PDE6D: variants seen among roughly 807,000 people sequenced by gnomAD.
PDE6D encodes the protein retinal rod rhodopsin-sensitive cGMP 3',5'-cyclic phosphodiesterase subunit delta.
Under a neutral mutation model 21.9 loss-of-function variants are expected in PDE6D, and 10 were observed. The ratio of observed to expected loss-of-function variants is 0.46; its 90% CI spans 0.28 to 0.78. The LOEUF (loss-of-function observed/expected upper bound fraction) is 0.78, where lower values mean the gene tolerates loss of function less well. PDE6D is among the 30% of genes least tolerant of loss of function. PDE6D has a pLI of 0.12. For missense variants in PDE6D, 139 were observed against 184.8 expected (o/e 0.75, Z 1.44); for synonymous variants, 59 against 63.5 (o/e 0.93, Z 0.34).
intron 2 of PDE6D, 103 bp from the exon 3 acceptor site, chr2:231,738,241 T>C: frequency 9.4e-7 from 1 of 1,067,360 alleles, no homozygotes; most frequent in Non-Finnish European, 1.4e-6. Flanking sequence ...TAGAGAACAC[T>C]TTCTTACAGC....
At position 231,748,582 on chromosome 2, in the gene PDE6D, A is replaced by C. The variant is rs556113803; in HGVS notation, c.51-9394T>G. Among the ~76,000 whole-genome samples the C allele has an allele frequency of 2.0e-5, 3 of 152,380 alleles. No individual in the cohort carries two copies. In the East Asian group the frequency reaches 5.8e-4, roughly 29 times the overall value. ...ATTCAAGCCAGCTGCAGAAATTTGC[A>C]TAAGTAGCAAGGAGCCTAATGTTAA... On this transcript the variant is annotated intron_variant, in intron 1 of 4. Coordinates refer to ENST00000287600, the MANE Select transcript of PDE6D (RefSeq NM_002601.4).
At chr2:231,735,178 C>T (rs1160711156) in intron 4 of PDE6D, among the ~76,000 whole-genome samples, 1 of 134,412 alleles carries the variant, frequency 7.4e-6, no homozygotes, top group Non-Finnish European at 1.6e-5. Flanking sequence ...GGAGGTGGAG[C>T]TTGCAGTGAG....
At chr2:231,734,986 T>C (rs1367621570) in intron 4 of PDE6D, among the ~76,000 whole-genome samples, 2 of 151,402 alleles carry the variant, frequency 1.3e-5, no homozygotes, top group African/African-American at 4.9e-5. Context: ...CTCACGTCTG[T>C]AATCCCAGCA....
chr2:231,740,910 G>GGGC (rs2048743233), intron 1 of PDE6D, among the ~76,000 whole-genome samples: 1 of 151,280 alleles, frequency 6.6e-6, no homozygotes, highest in African/African-American at 2.4e-5. Context: ...AGGCTGAGGC[G>GGGC]GGCGGATCAC....
intron 1 of PDE6D, among the ~76,000 whole-genome samples, chr2:231,778,413 G>A (rs1254207657): frequency 6.6e-6 from 1 of 152,016 alleles, no homozygotes; most frequent in Non-Finnish European, 1.5e-5. Context: ...CTACAAATAA[G>A]AAAAATAAAC....
chr2:231,771,276 G>GA (rs1216609330), intron 1 of PDE6D, among the ~76,000 whole-genome samples: 1 of 151,968 alleles, frequency 6.6e-6, no homozygotes, highest in Non-Finnish European at 1.5e-5. Flanking sequence ...GCCAAGCTGA[G>GA]AAAAATTTAA....
chr2:231,768,246 A>C (rs2106283623), intron 1 of PDE6D, among the ~76,000 whole-genome samples: 1 of 152,302 alleles, frequency 6.6e-6, no homozygotes, highest in Admixed American at 6.5e-5. Context: ...AAAGAATTCC[A>C]AGAATTTGTT....
intron 1 of PDE6D, among the ~76,000 whole-genome samples, chr2:231,765,401 G>C (rs1174067470): frequency 6.6e-6 from 1 of 152,070 alleles, no homozygotes; most frequent in African/African-American, 2.4e-5. Flanking sequence ...CAACACCTAA[G>C]TCAGTCAGCT....
chr2:231,750,470 C>A (rs1047683982), intron 1 of PDE6D, among the ~76,000 whole-genome samples: 7 of 147,632 alleles, frequency 4.7e-5, no homozygotes, highest in Admixed American at 6.8e-5. Flanking sequence ...ATGTCTATTT[C>A]ATCCATATCA....
intron 3 of PDE6D, chr2:231,737,769 G>A (rs1403315501): frequency 4.4e-6 from 2 of 455,494 alleles, no homozygotes; most frequent in Non-Finnish European, 7.9e-6. Flanking sequence ...TACAACGTCA[G>A]TGCCTAAACC....
At chr2:231,769,569 TAC>T (rs2048999441) in intron 1 of PDE6D, among the ~76,000 whole-genome samples, 1 of 151,348 alleles carries the variant, frequency 6.6e-6, no homozygotes, top group East Asian at 1.9e-4. Context: ...TATATACACA[TAC>T]ACACACAGAT....
intron 1 of PDE6D, among the ~76,000 whole-genome samples, chr2:231,774,816 C>T (rs551415292): frequency 6.6e-6 from 1 of 152,198 alleles, no homozygotes; most frequent in African/African-American, 2.4e-5. Context: ...GCCTCGAATC[C>T]CTGACCTCAA....
intron 1 of PDE6D, among the ~76,000 whole-genome samples, chr2:231,780,339 C>T (rs1358514212): frequency 6.6e-6 from 1 of 152,154 alleles, no homozygotes; most frequent in Non-Finnish European, 1.5e-5. Flanking sequence ...GCACCCCACA[C>T]CTAAGCCTAT....
intron 1 of PDE6D, among the ~76,000 whole-genome samples, chr2:231,749,692 C>T (rs539718595): frequency 2.0e-4 from 31 of 152,036 alleles, no homozygotes; most frequent in African/African-American, 7.0e-4. Context: ...CCACCATGCC[C>T]GACTAGTTTT....
Position 231,739,731 on chromosome 2 carries a change from A to G in PDE6D, c.51-543T>C, listed in dbSNP as rs1338096853. ...ACTACAACCTTCATCTCCTTGGTTC[A>G]AGCAATTCTTGTGCCTCAGCCTCCT... On this transcript the variant is annotated intron_variant, in intron 1 of 4. Transcript: ENST00000287600. This position sits in a 1 kb window ranked among gnomAD's most constrained non-coding sequence, Gnocchi z 4.2. 6.6e-6 allele frequency among the ~76,000 whole-genome samples: 1 copy of G among 151,828 alleles called. No homozygotes were observed. Among genetic ancestry groups the G allele is most frequent in the Non-Finnish European group, 1.5e-5 (1 of 67,984 alleles).
intron 1 of PDE6D, among the ~76,000 whole-genome samples, chr2:231,759,629 TTTGG>T (rs2048910545): frequency 1.3e-5 from 2 of 152,144 alleles, no homozygotes; most frequent in Non-Finnish European, 2.9e-5. Context: ...CAAAAACATG[TTTGG>T]GAAGCAGAAA....
intron 1 of PDE6D, among the ~76,000 whole-genome samples, chr2:231,752,697 A>G (rs2048849576): frequency 6.6e-6 from 1 of 151,932 alleles, no homozygotes; most frequent in Non-Finnish European, 1.5e-5. Flanking sequence ...CTGCTCATAT[A>G]TTAATCTTCA....
intron 1 of PDE6D, among the ~76,000 whole-genome samples, chr2:231,743,484 C>T (rs1042155105): frequency 4.0e-4 from 60 of 150,894 alleles, no homozygotes; most frequent in African/African-American, 1.4e-3. Context: ...GGTTATTCAG[C>T]AGAGTGCCTG....
Position 231,732,842 on chromosome 2 carries a change from G to A in PDE6D, c.*110C>T. 1.4e-6 allele frequency: 1 copy of A among 725,596 alleles called. No individual in the cohort carries two copies. Among genetic ancestry groups the A allele is most frequent in the Non-Finnish European group, 2.4e-6 (1 of 408,888 alleles). The allele number at this position is 725,596 out of a possible 1,614,324, so 44.9% of individuals were successfully genotyped here. ...GGCTGCAGGTAGGTTCTGCTGTTGAGGGAATTAGGGGTGTATGTGTCAAAA... is the reference window on the plus strand; with the variant it reads ...GGCTGCAGGTAGGTTCTGCTGTTGAAGGAATTAGGGGTGTATGTGTCAAAA... On this transcript the variant is annotated 3_prime_UTR_variant, in exon 5 of 5. Transcript: ENST00000287600.
Sources: gnomAD v4.1 joint callset for allele counts (sites outside exome capture counted in the v4.1 genomes callset) on GRCh38, gnomAD v4.1.1 for gene constraint, Gnocchi (gnomAD v3.1) non-coding constraint, MANE v1.5 for transcripts, NCBI Gene and HGNC (gene_info 2026-07-23, HGNC 2026-07-21) for gene names.